GAS2: variants seen among roughly 807,000 people sequenced by gnomAD.
The protein encoded by GAS2 is growth arrest specific 2, also known as growth arrest-specific protein 2.
In GAS2, 20 loss-of-function variants were observed where a neutral mutation model predicts 37.5. The ratio of observed to expected loss-of-function variants is 0.53; its 90% confidence interval spans 0.37 to 0.77. GAS2 has a LOEUF of 0.77. Ranked by LOEUF, GAS2 falls within the 30% of genes least tolerant of loss-of-function variation. The pLI is 0.00. For synonymous variants in GAS2, 144 were observed against 132.2 expected, an observed-to-expected ratio of 1.09 and a Z score of -0.61; for missense variants, 336 against 373.4, an observed-to-expected ratio of 0.90 and a Z score of 0.82.
At chr11:22,691,968 T>G (rs1017044021) in intron 3 of GAS2, among the ~76,000 whole-genome samples, 6 of 151,206 alleles carry the variant, frequency 4.0e-5, no homozygotes, top group Admixed American at 6.6e-5. Context: ...ATGTTTTTTG[T>G]TTTTTTTTCC....
chr11:22,809,932 G>A (rs916764948), intron 7 of GAS2, among the ~76,000 whole-genome samples: 4 of 152,148 alleles, frequency 2.6e-5, no homozygotes, highest in African/African-American at 9.7e-5. Flanking sequence ...GGTTCTCATT[G>A]AGATTTTGTT....
At chr11:22,754,061 C>T (rs1853887552) in intron 6 of GAS2, among the ~76,000 whole-genome samples, 1 of 151,960 alleles carries the variant, frequency 6.6e-6, no homozygotes, top group Non-Finnish European at 1.5e-5. Flanking sequence ...TATCTATAGA[C>T]CAAGTATAAT....
intron 1 of GAS2, chr11:22,626,097 G>A (rs1858648319): frequency 6.0e-6 from 3 of 497,940 alleles, no homozygotes; most frequent in Non-Finnish European, 1.1e-5. Flanking sequence ...AGTCATGAAC[G>A]TCTCCGCGCT....
intron 7 of GAS2, among the ~76,000 whole-genome samples, chr11:22,761,144 G>T (rs1028492770): frequency 2.6e-5 from 4 of 152,080 alleles, no homozygotes; most frequent in African/African-American, 9.7e-5. Context: ...CTACTGTCTG[G>T]ATAATATGCC....
chr11:22,692,176 A>G (rs142447008), intron 3 of GAS2, among the ~76,000 whole-genome samples: 1 of 152,288 alleles, frequency 6.6e-6, no homozygotes, highest in African/African-American at 2.4e-5. Flanking sequence ...GGGAGCGGAA[A>G]GCAGCAATGT....
At chr11:22,652,693 G>C (rs1031641979) in intron 1 of GAS2, among the ~76,000 whole-genome samples, 3 of 152,184 alleles carry the variant, frequency 2.0e-5, no homozygotes, top group African/African-American at 7.2e-5. Flanking sequence ...TCCAGGTGCC[G>C]TCTGTCACCC....
chr11:22,734,519 C>T (rs1486828133), intron 4 of GAS2, among the ~76,000 whole-genome samples: 1 of 151,294 alleles, frequency 6.6e-6, no homozygotes, highest in Non-Finnish European at 1.5e-5. Flanking sequence ...TAGTAACTGA[C>T]ACATTATGAT....
chr11:22,659,456 G>A (rs1281289068), intron 1 of GAS2, among the ~76,000 whole-genome samples: 1 of 152,152 alleles, frequency 6.6e-6, no homozygotes, highest in Admixed American at 6.5e-5. Flanking sequence ...ACTGATACCA[G>A]ATCCAAAAGA....
intron 3 of GAS2, among the ~76,000 whole-genome samples, chr11:22,706,555 A>G (rs1005717929): frequency 1.3e-4 from 20 of 151,912 alleles, no homozygotes; most frequent in African/African-American, 4.6e-4. Context: ...TCATTGTTCA[A>G]TTCCCACCTA....
rs113415673 is a variant in GAS2 at position 22,741,880 on chromosome 11, G to A, written c.473+4112G>A. Among the ~76,000 whole-genome samples, 845 of 152,116 alleles carry A rather than the reference G, an allele frequency of 5.6e-3. 6 individuals carry two copies. Among genetic ancestry groups the A allele is most frequent in the African/African-American group, 0.018 (748 of 41,508 alleles). On this transcript the variant is annotated intron_variant, in intron 5 of 7. Transcript: ENST00000454584. ...TATGCCTTAAAAAGGACAGTTTCTC[G>A]CACTAGGCTGTAAAATTTGTCCCTC... is the stretch of plus-strand genomic sequence containing the variant.
chr11:22,756,033 C>A, intron 7 of GAS2, 80 bp downstream of exon 7: 1 of 937,638 alleles, frequency 1.1e-6, no homozygotes, highest in Non-Finnish European at 1.6e-6. Flanking sequence ...CAGATAAGAG[C>A]AGGAACTTCC....
At chr11:22,701,486 T>C (rs912476684) in intron 3 of GAS2, among the ~76,000 whole-genome samples, 1 of 151,956 alleles carries the variant, frequency 6.6e-6, no homozygotes, top group African/African-American at 2.4e-5. Flanking sequence ...GGAAGAAATG[T>C]GTTGTATGTG....
intron 3 of GAS2, among the ~76,000 whole-genome samples, chr11:22,699,571 A>G (rs903589671): frequency 6.6e-6 from 1 of 152,154 alleles, no homozygotes; most frequent in South Asian, 2.1e-4. Flanking sequence ...TACCACTGTT[A>G]GGGTGAATAA....
At chr11:22,768,533 G>T (rs1203151830) in intron 7 of GAS2, among the ~76,000 whole-genome samples, 1 of 152,168 alleles carries the variant, frequency 6.6e-6, no homozygotes, top group Non-Finnish European at 1.5e-5. Context: ...CTAGGCCAGA[G>T]TACTTGATGA....
chr11:22,767,350 G>GT (rs939641106), intron 7 of GAS2, among the ~76,000 whole-genome samples: 12 of 151,350 alleles, frequency 7.9e-5, no homozygotes, highest in East Asian at 1.9e-4. Flanking sequence ...TCCTTTTGAA[G>GT]TTTTTTTTTA....
At chr11:22,738,272 G>T (rs1444680598) in intron 5 of GAS2, among the ~76,000 whole-genome samples, 11 of 152,164 alleles carry the variant, frequency 7.2e-5, no homozygotes, top group African/African-American at 2.7e-4. Context: ...ATTAGGGAAA[G>T]ACATAGAATG....
chr11:22,790,590 A>ATTTTTTTT (rs58284244), intron 7 of GAS2, among the ~76,000 whole-genome samples: 1 of 111,804 alleles, frequency 8.9e-6, no homozygotes. Context: ...CTTCTTCTCT[A>ATTTTTTTT]TTTTTTTTTT....
At chr11:22,753,409 A>G (rs1853853616) in intron 6 of GAS2, among the ~76,000 whole-genome samples, 2 of 152,112 alleles carry the variant, frequency 1.3e-5, no homozygotes, top group South Asian at 4.1e-4. Flanking sequence ...ACTTGAGAAA[A>G]TGTTTCTTGT....
chr11:22,752,883 C>A (rs900311250), intron 6 of GAS2, among the ~76,000 whole-genome samples: 2 of 152,020 alleles, frequency 1.3e-5, no homozygotes, highest in Admixed American at 6.6e-5. Flanking sequence ...AAATACATCA[C>A]CTTCTTTAAT....
Sources: gnomAD v4.1 joint callset for allele counts (sites outside exome capture counted in the v4.1 genomes callset) on GRCh38, gnomAD v4.1.1 for gene constraint, MANE v1.5 for transcripts, NCBI Gene and HGNC (gene_info 2026-07-23, HGNC 2026-07-21) for gene names.